Variants in KCNT1 observed in about 807,000 individuals in gnomAD.
KCNT1 encodes the protein potassium sodium-activated channel subfamily T member 1.
KCNT1 carries 78 observed loss-of-function variants against 147.8 expected under a neutral mutation model. The ratio of observed to expected loss-of-function variants is 0.53; its 90% CI spans 0.44 to 0.64. The LOEUF is 0.64. Among genes scored for constraint, KCNT1 ranks in the 30% least tolerant of loss-of-function variants. The pLI is 0.00. For missense variants in KCNT1, 1,419 were observed against 1,750.3 expected (o/e 0.81, Z 3.38); for synonymous variants, 867 against 748.8 (o/e 1.16, Z -2.58).
chr9:135,712,217 G>A (rs1400829871), intron 1 of KCNT1, among the ~76,000 whole-genome samples: 1 of 152,208 alleles, frequency 6.6e-6, no homozygotes, highest in Non-Finnish European at 1.5e-5. Context: ...GGGTGTGTGA[G>A]TCCCACAGGT....
rs117278669 is a variant in KCNT1 at position 135,715,426 on chromosome 9, C to T, written c.254+706C>T. ...CAGGCTCTGGGGAGGCGCTTTTTTG[C>T]CTGCAAGTGAAGGCAAGTGCTCTGA... On this transcript the variant is annotated intron_variant, in intron 2 of 30. Transcript: ENST00000371757. 3.4e-4 allele frequency among the ~76,000 whole-genome samples: 52 copies of T among 152,260 alleles called. No individual in the cohort carries two copies. In the East Asian group the frequency reaches 8.7e-3, roughly 25 times the overall value.
chr9:135,749,305 A>G (rs1831015643), intron 2 of KCNT1, among the ~76,000 whole-genome samples: 2 of 150,500 alleles, frequency 1.3e-5, no homozygotes, highest in African/African-American at 4.9e-5. Context: ...CAATCTCCCC[A>G]CCCCACCTCA....
Position 135,770,545 on chromosome 9 carries a change from G to A in KCNT1, c.1769+98G>A, listed in dbSNP as rs145655663. On this transcript the variant is annotated intron_variant, in intron 17 of 30. Coordinates refer to ENST00000371757, the MANE Select transcript of KCNT1 (RefSeq NM_020822.3). Reference sequence around the variant, plus strand: ...TCAGGCACAGGGGTGGCCCTGGGGCGGGGCTGCAGAGGGCTCGGGGGAGGG... The same window carrying A: ...TCAGGCACAGGGGTGGCCCTGGGGCAGGGCTGCAGAGGGCTCGGGGGAGGG... 28,531 of 1,462,026 alleles carry A rather than the reference G, an allele frequency of 0.02. 391 individuals carry two copies. Among genetic ancestry groups the A allele is most frequent in the Middle Eastern group, 0.067 (345 of 5,128 alleles). 90.6% of individuals were successfully genotyped at this position (1,462,026 alleles called of 1,614,324 possible).
At position 135,713,884 on chromosome 9, in the gene KCNT1, C is replaced by G. The variant is rs572264326; in HGVS notation, c.111-693C>G. 2.6e-5 allele frequency among the ~76,000 whole-genome samples: 4 copies of G among 152,298 alleles called. 1 individual carries two copies. In the South Asian group the frequency reaches 8.3e-4, roughly 32 times the overall value. On this transcript the variant is annotated intron_variant, in intron 1 of 30. Coordinates refer to ENST00000371757, the MANE Select transcript of KCNT1 (RefSeq NM_020822.3). Reference sequence around the variant, plus strand: ...CACTCTACCTGGTGTGCCACGATGCCCCTAACCTGCGCTGCCAGCTCTCTG... The same window carrying G: ...CACTCTACCTGGTGTGCCACGATGCGCCTAACCTGCGCTGCCAGCTCTCTG...
In KCNT1 at chr9:135,765,279, T is replaced by G. The variant is rs1042946464; in HGVS notation, c.1200+84T>G. On this transcript the variant is annotated intron_variant, in intron 12 of 30. Coordinates refer to ENST00000371757, the MANE Select transcript of KCNT1 (RefSeq NM_020822.3). Reference sequence around the variant, plus strand: ...CCTCTCCCCAGGACTGCTTGGCAAGTCCCTGAGTCCTCTCAGCCTTGGTTT... The same window carrying G: ...CCTCTCCCCAGGACTGCTTGGCAAGGCCCTGAGTCCTCTCAGCCTTGGTTT... 7.5e-6 allele frequency: 10 copies of G among 1,336,692 alleles called. No individual in the cohort carries two copies. In the Admixed American group the frequency reaches 1.3e-4, roughly 18 times the overall value. 82.8% of individuals were successfully genotyped at this position (1,336,692 alleles called of 1,614,324 possible). A position where few individuals can be genotyped will look rare whatever the true frequency, so the allele number is the denominator to read the frequency against.
At chr9:135,708,483 TGA>T (rs888523493) in intron 1 of KCNT1, among the ~76,000 whole-genome samples, 2 of 152,226 alleles carry the variant, frequency 1.3e-5, no homozygotes, top group Non-Finnish European at 2.9e-5. Context: ...AATTTTGAAC[TGA>T]GTGTGAACAA....
chr9:135,745,239 A>C (rs1162876855), intron 2 of KCNT1, among the ~76,000 whole-genome samples: 1 of 152,156 alleles, frequency 6.6e-6, no homozygotes, highest in African/African-American at 2.4e-5. Context: ...GCCTGCGTTC[A>C]CAGGCAGGTT....
At chr9:135,775,561 C>A in intron 20 of KCNT1, 146 bp downstream of exon 20, 1 of 598,186 alleles carries the variant, frequency 1.7e-6, no homozygotes, top group Non-Finnish European at 2.8e-6. Context: ...CAAGGGAGAG[C>A]CACAGATCCT....
intron 2 of KCNT1, among the ~76,000 whole-genome samples, chr9:135,718,009 A>T (rs1424501609): frequency 6.6e-6 from 1 of 152,202 alleles, no homozygotes; most frequent in Non-Finnish European, 1.5e-5. Flanking sequence ...CCTATCCATA[A>T]GGACACGCAC....
intron 2 of KCNT1, among the ~76,000 whole-genome samples, chr9:135,719,820 G>A (rs150322475): frequency 1.0e-3 from 154 of 152,328 alleles, no homozygotes; most frequent in Non-Finnish European, 1.9e-3. Flanking sequence ...CCTGGGAAGG[G>A]AGTGGCCGCC....
chr9:135,792,147 G>T lies in KCNT1; in HGVS notation c.3694G>T (p.Glu1232Ter). 1 of 1,605,736 alleles carries T rather than the reference G, an allele frequency of 6.2e-7. No homozygotes were observed. The highest frequency in any genetic ancestry group is 1.1e-5 in the South Asian group (1 of 90,792). ...GTCCTGCAACCCCGAGACTCGCGAC[G>T]AGACACAGCTCTGAGCCAGCCCTGC... ...LSSCNPETRDETQL is the reference protein window; with the variant it reads ...LSSCNPETRD Residue 1232 changes from glutamate to a stop codon, truncating the protein, a stop_gained, in exon 31 of 31, where the codon GAG (glutamate) becomes TAG (stop). Transcript: ENST00000371757. LOFTEE classifies it high-confidence loss of function.
chr9:135,759,581 C>G, intron 10 of KCNT1, 98 bp from the exon 11 acceptor site: 4 of 1,350,900 alleles, frequency 3.0e-6, no homozygotes, highest in Non-Finnish European at 4.0e-6. Context: ...GCTCAGTCTC[C>G]TGGGCAGTGA....
chr9:135,761,775 C>T (rs1373039530), intron 11 of KCNT1, among the ~76,000 whole-genome samples: 1 of 152,216 alleles, frequency 6.6e-6, no homozygotes, highest in African/African-American at 2.4e-5. Context: ...CCGAGAGGCC[C>T]CTGGCCCAGC....
chr9:135,767,481 G>T (rs7853826), intron 13 of KCNT1, among the ~76,000 whole-genome samples: 4 of 152,050 alleles, frequency 2.6e-5, no homozygotes, highest in Non-Finnish European at 4.4e-5. Flanking sequence ...CCCAGGAGGC[G>T]CTGGAAGTGA....
chr9:135,702,238 G>T lies in KCNT1; in HGVS notation c.-21G>T, dbSNP rs1340269107. On this transcript the variant is annotated 5_prime_UTR_variant, in exon 1 of 31. Coordinates refer to ENST00000371757, the MANE Select transcript of KCNT1 (RefSeq NM_020822.3). ...CTCCCACTCGCTTCTCCCTCGGGTC[G>T]GGTCCGAGCTGCCAGGCCGCATGCC... is the stretch of plus-strand genomic sequence containing the variant. 1 of 1,577,970 alleles carries T rather than the reference G, an allele frequency of 6.3e-7. No homozygotes were observed. The highest frequency in any genetic ancestry group is 8.7e-7 in the Non-Finnish European group (1 of 1,151,754).
chr9:135,707,499 G>A (rs1257501925), intron 1 of KCNT1, among the ~76,000 whole-genome samples: 1 of 152,164 alleles, frequency 6.6e-6, no homozygotes, highest in Non-Finnish European at 1.5e-5. Flanking sequence ...GTGGCCGGGG[G>A]CAGGGGCTGT....
intron 2 of KCNT1, among the ~76,000 whole-genome samples, chr9:135,723,715 C>T (rs1335314080): frequency 6.6e-6 from 1 of 152,210 alleles, no homozygotes; most frequent in African/African-American, 2.4e-5. Flanking sequence ...CGGGAAGTGC[C>T]GTGTCCCAGG....
chr9:135,750,660 T>A, intron 3 of KCNT1: 1 of 549,150 alleles, frequency 1.8e-6, no homozygotes, highest in Non-Finnish European at 3.3e-6. Context: ...TGCTCCCCAA[T>A]CCCTATCCTG....
At chr9:135,709,083 T>G (rs894562341) in intron 1 of KCNT1, among the ~76,000 whole-genome samples, 2 of 152,190 alleles carry the variant, frequency 1.3e-5, no homozygotes, top group Admixed American at 6.5e-5. Context: ...GACGCTGCCC[T>G]AGAACCCCAC....
Sources: gnomAD v4.1 joint callset for allele counts (sites outside exome capture counted in the v4.1 genomes callset) on GRCh38, gnomAD v4.1.1 for gene constraint, MANE v1.5 for transcripts, NCBI Gene and HGNC (gene_info 2026-07-23, HGNC 2026-07-21) for gene names.